Variants in RTBDN observed in about 807,000 individuals in gnomAD.
RTBDN encodes retbindin.
Under a neutral mutation model 21.9 loss-of-function variants are expected in RTBDN, and 24 were observed. That is an observed-to-expected ratio of 1.10 (90% confidence interval 0.79 to 1.54). The LOEUF (loss-of-function observed/expected upper bound fraction) is 1.54, where lower values mean the gene tolerates loss of function less well. Among genes scored for constraint, RTBDN ranks in the 40% most tolerant of loss-of-function variants. RTBDN has a pLI of 0.00. For synonymous variants in RTBDN, 141 were observed against 125.9 expected (o/e 1.12, Z -0.80); for missense variants, 325 against 315.2 (o/e 1.03, Z -0.23).
chr19:12,827,258 A>T (rs902968708), intron 4 of RTBDN, among the ~76,000 whole-genome samples: 2 of 151,708 alleles, frequency 1.3e-5, no homozygotes, highest in Non-Finnish European at 2.9e-5. Flanking sequence ...AGCTGGAGCA[A>T]TCCTTCCACC....
intron 2 of RTBDN, 49 bp from the exon 3 acceptor site, chr19:12,829,002 G>T (rs1969445347): frequency 6.2e-7 from 1 of 1,608,946 alleles, no homozygotes; most frequent in Non-Finnish European, 8.5e-7. Context: ...TTCAGGTAAG[G>T]TTTGGGAACT....
At chr19:12,825,993 C>G (rs1969280860) in intron 5 of RTBDN, 60 bp from the exon 6 acceptor site, 1 of 1,475,628 alleles carries the variant, frequency 6.8e-7, no homozygotes, top group Admixed American at 2.6e-5. Context: ...GGGGGCGTGG[C>G]CTCGGGAAGG....
At chr19:12,829,379 A>AT (rs1849480138) in intron 2 of RTBDN, among the ~76,000 whole-genome samples, 1 of 151,856 alleles carries the variant, frequency 6.6e-6, no homozygotes, top group Admixed American at 6.6e-5. Flanking sequence ...TTTTTGTATT[A>AT]TTAGTAGAGA....
intron 1 of RTBDN, among the ~76,000 whole-genome samples, chr19:12,833,566 A>G (rs1481522934): frequency 6.6e-6 from 1 of 152,062 alleles, no homozygotes; most frequent in African/African-American, 2.4e-5. Flanking sequence ...TGGGGGATGA[A>G]TGTAGAGGGA....
At chr19:12,835,038 C>T (rs202239373), upstream of RTBDN, 48 of 1,602,854 alleles carry the variant, frequency 3.0e-5, no homozygotes, top group Middle Eastern at 1.7e-4. Flanking sequence ...GACTCAGGCT[C>T]CATCCCCAGC....
Position 12,828,694 on chromosome 19 carries a change from G to C in RTBDN, c.328C>G (p.Gln110Glu), listed in dbSNP as rs749160758. 1 of 1,614,188 alleles carries C rather than the reference G, an allele frequency of 6.2e-7. No individual in the cohort carries two copies. Among genetic ancestry groups the C allele is most frequent in the East Asian group, 2.2e-5 (1 of 44,890 alleles). The change falls in exon 4 of 6, where the codon CAG (glutamine) becomes GAG (glutamate). Residue 110 changes from glutamine to glutamate, a missense_variant. By Grantham distance (29) the Gln-to-Glu change is conservative (BLOSUM62 2). Coordinates refer to ENST00000674343, the MANE Select transcript of RTBDN (RefSeq NM_001270441.2). ...RFRLRLLGVR[Q>E]AQPLCEELCQ... ...AGCTCCTCGCAGAGCGGCTGTGCCTGGCGTACCCCCAATAGCCGCAGGCGG... is the reference window on the plus strand; with the variant it reads ...AGCTCCTCGCAGAGCGGCTGTGCCTCGCGTACCCCCAATAGCCGCAGGCGG...
chr19:12,828,407 G>GAAATAAAGAAAAGAA (rs1969408083), intron 4 of RTBDN, among the ~76,000 whole-genome samples: 1 of 151,440 alleles, frequency 6.6e-6, no homozygotes, highest in Admixed American at 6.6e-5. Context: ...AAAAAAAAAA[G>GAAATAAAGAAAAGAA]AAAGAAAGAA....
At chr19:12,828,559 G>A in intron 4 of RTBDN, 98 bp downstream of exon 4, 1 of 855,706 alleles carries the variant, frequency 1.2e-6, no homozygotes, top group South Asian at 1.7e-5. Flanking sequence ...CCCTGTTGGA[G>A]GCCACTCCCC....
intron 4 of RTBDN, 97 bp downstream of exon 4, chr19:12,828,560 G>T: frequency 1.2e-6 from 1 of 860,052 alleles, no homozygotes; most frequent in Non-Finnish European, 1.8e-6. Context: ...CCTGTTGGAG[G>T]CCACTCCCCT....
chr19:12,826,901 A>G (rs1265029156), intron 4 of RTBDN, 30 bp from the exon 5 acceptor site: 1 of 1,454,928 alleles, frequency 6.9e-7, no homozygotes, highest in African/African-American at 1.4e-5. Flanking sequence ...AGGTGGGTAA[A>G]GCCTTTGTAG....
rs1287349905 is a variant in RTBDN, at chr19:12,825,565, G to C, written c.*141C>G. ...TTCTGGGATAACCTGGAGAGGGGTG[G>C]GTCTCTGGAGCTCCAGGGAGGAGGG... is the stretch of plus-strand genomic sequence containing the variant. On this transcript the variant is annotated 3_prime_UTR_variant, in exon 6 of 6. Coordinates refer to ENST00000674343, the MANE Select transcript of RTBDN (RefSeq NM_001270441.2). The C allele has an allele frequency of 1.6e-6, 2 of 1,254,920 alleles. No individual in the cohort carries two copies. The highest frequency in any genetic ancestry group is 2.9e-5 in the Admixed American group (1 of 34,074). The allele number at this position is 1,254,920 out of a possible 1,614,324, so 77.7% of individuals were successfully genotyped here.
rs146588835 is a variant in RTBDN, at chr19:12,829,968, C to A, written c.12G>T (p.Arg4Ser). 120 of 1,610,714 alleles carry A rather than the reference C, an allele frequency of 7.5e-5. No individual in the cohort carries two copies. In the Middle Eastern group the frequency reaches 8.3e-4, roughly 11 times the overall value. MDC[R>S]VHMRPIGLTW... Reference sequence around the variant, plus strand: ...TCAGGCCGATGGGTCGCATGTGGACCCTGCAGTCCATGTCCACCTGAGATA... The same window carrying A: ...TCAGGCCGATGGGTCGCATGTGGACACTGCAGTCCATGTCCACCTGAGATA... Residue 4 changes from arginine to serine, a missense_variant, in exon 2 of 6, where the codon AGG becomes AGT. Physicochemically the swap from Arg to Ser is moderately radical, Grantham distance 110 (BLOSUM62 -1). Coordinates refer to ENST00000674343, the MANE Select transcript of RTBDN (RefSeq NM_001270441.2).
chr19:12,827,504 G>A (rs1455894568), intron 4 of RTBDN, among the ~76,000 whole-genome samples: 2 of 151,684 alleles, frequency 1.3e-5, no homozygotes, highest in Non-Finnish European at 2.9e-5. Flanking sequence ...TGTGTTTTTA[G>A]TAGAGACGGT....
At chr19:12,833,995 C>T in intron 1 of RTBDN, 1 of 398,370 alleles carries the variant, frequency 2.5e-6, no homozygotes, top group Non-Finnish European at 4.4e-6. Flanking sequence ...CATCCGCCGC[C>T]GGAGGCTGCA....
Position 12,825,708 on chromosome 19 carries a change from A to G in RTBDN, c.688T>C (p.Ter230GlnextTer69). ...CCCAACTCAGGGCCACGCGTCCGCT[A>G]GGGGCCGCTGCCGCTTCCACTGCCA... ...GSGSGSGSGP* is the reference protein window; with the variant it reads ...GSGSGSGSGPQ Residue 230 changes from the stop codon to glutamine, a stop_lost, in exon 6 of 6, where the codon TAG (stop) becomes CAG (glutamine). Transcript: ENST00000674343. 1 of 1,562,200 alleles carries G rather than the reference A, an allele frequency of 6.4e-7. No individual in the cohort carries two copies. The highest frequency in any genetic ancestry group is 1.4e-5 in the African/African-American group (1 of 73,498).
intron 4 of RTBDN, among the ~76,000 whole-genome samples, chr19:12,827,318 T>TA (rs1472617817): frequency 1.5e-5 from 2 of 134,048 alleles, no homozygotes; most frequent in African/African-American, 5.9e-5. Flanking sequence ...CATGTCCGAT[T>TA]AATTTTTTTT....
chr19:12,828,728 GC>G lies in RTBDN; in HGVS notation c.293del (p.Arg98ProfsTer165), dbSNP rs1406663083. On this transcript the variant is annotated frameshift_variant, in exon 4 of 6. Transcript: ENST00000674343. LOFTEE classifies it high-confidence loss of function. ...SFLEHLQRAL[R>X]SRFRLRLLGV... is the part of the protein sequence containing the mutation. ...CCAATAGCCGCAGGCGGAAGCGACT[GC>G]GAAGGGCACGTTGGAGGTGTTCCAG... is the stretch of plus-strand genomic sequence containing the variant. The G allele has an allele frequency of 7.4e-6, 12 of 1,614,148 alleles. No homozygotes were observed. The highest frequency in any genetic ancestry group is 9.3e-6 in the Non-Finnish European group (11 of 1,180,056).
At chr19:12,829,092 G>A in intron 2 of RTBDN, 139 bp from the exon 3 acceptor site, 1 of 1,380,934 alleles carries the variant, frequency 7.2e-7, no homozygotes, top group Non-Finnish European at 9.6e-7. Context: ...CCCTTCCTTT[G>A]GAATGCAAAT....
chr19:12,834,893 C>G, upstream of RTBDN: 1 of 1,601,904 alleles, frequency 6.2e-7, no homozygotes. This position sits in a 1 kb window ranked among gnomAD's most constrained non-coding sequence, Gnocchi z 4.7. Context: ...AGGTCCGGTC[C>G]CAAACATCCC....
Sources: gnomAD v4.1 joint callset for allele counts (sites outside exome capture counted in the v4.1 genomes callset) on GRCh38, gnomAD v4.1.1 for gene constraint, Gnocchi (gnomAD v3.1) non-coding constraint, MANE v1.5 for transcripts, NCBI Gene and HGNC (gene_info 2026-07-23, HGNC 2026-07-21) for gene names.